MARCHF10: variants seen among roughly 807,000 people sequenced by gnomAD.
The protein encoded by MARCHF10 is membrane associated ring-CH-type finger 10, also known as probable E3 ubiquitin-protein ligase MARCHF10.
MARCHF10 carries 64 observed loss-of-function variants against 76.2 expected under a neutral mutation model. The ratio of observed to expected loss-of-function variants is 0.84; its 90% CI spans 0.69 to 1.03. The LOEUF (loss-of-function observed/expected upper bound fraction) is 1.03. Ranked by LOEUF, MARCHF10 falls within the 50% of genes least tolerant of loss-of-function variation. MARCHF10 has a pLI of 0.00. For missense variants in MARCHF10, 875 were observed against 958.0 expected, an observed-to-expected ratio of 0.91 and a Z score of 1.14; for synonymous variants, 340 against 357.5, an observed-to-expected ratio of 0.95 and a Z score of 0.55.
At chr17:62,788,163 G>C (rs2092776764) in intron 3 of MARCHF10, among the ~76,000 whole-genome samples, 1 of 152,126 alleles carries the variant, frequency 6.6e-6, no homozygotes, top group South Asian at 2.1e-4. Context: ...AACTCTTATA[G>C]AGTTGCAGCA....
At chr17:62,786,661 G>A (rs2092753309) in intron 3 of MARCHF10, among the ~76,000 whole-genome samples, 1 of 152,142 alleles carries the variant, frequency 6.6e-6, no homozygotes, top group Non-Finnish European at 1.5e-5. Flanking sequence ...TTTCAGAAGT[G>A]GTCTGAGTGT....
At chr17:62,728,809 C>T (rs868227590) in intron 6 of MARCHF10, among the ~76,000 whole-genome samples, 17 of 151,964 alleles carry the variant, frequency 1.1e-4, no homozygotes, top group Middle Eastern at 3.4e-3. Context: ...AGCTTTAATG[C>T]ACTAAATAAA....
intron 3 of MARCHF10, among the ~76,000 whole-genome samples, chr17:62,779,245 C>T (rs774384896): frequency 5.9e-5 from 9 of 152,156 alleles, no homozygotes; most frequent in Non-Finnish European, 8.8e-5. Flanking sequence ...TGTGCATGCG[C>T]GACCTGCCTC....
intron 2 of MARCHF10, among the ~76,000 whole-genome samples, chr17:62,800,496 A>AC (rs545572775): frequency 6.6e-6 from 1 of 152,026 alleles, no homozygotes; most frequent in Non-Finnish European, 1.5e-5. Flanking sequence ...GAAATTGCTG[A>AC]CTCTGTTTCC....
chr17:62,733,662 A>G (rs528427272), intron 6 of MARCHF10, among the ~76,000 whole-genome samples: 1 of 152,358 alleles, frequency 6.6e-6, no homozygotes, highest in African/African-American at 2.4e-5. Context: ...CGCCATTTGC[A>G]GCAAACAATA....
chr17:62,788,708 A>G lies in MARCHF10; in HGVS notation c.91-109T>C, dbSNP rs2092787737. ...CATGAAATAAATGATATGCATCTCC[A>G]GGTGTTCATCAAATACCTCTCACCA... is the stretch of plus-strand genomic sequence containing the variant. On this transcript the variant is annotated intron_variant, in intron 2 of 10. Coordinates refer to ENST00000311269, the MANE Select transcript of MARCHF10 (RefSeq NM_152598.4). The G allele has an allele frequency of 2.1e-5, 29 of 1,408,944 alleles. No homozygotes were observed. In the South Asian group the frequency reaches 3.1e-4, roughly 15 times the overall value. 87.3% of individuals were successfully genotyped at this position (1,408,944 alleles called of 1,614,324 possible).
chr17:62,720,114 C>A (rs75506623), intron 8 of MARCHF10, among the ~76,000 whole-genome samples: 2,421 of 152,298 alleles, frequency 0.016, 51 homozygotes, highest in African/African-American at 0.055. Flanking sequence ...GCATATTAAT[C>A]ATAGTGTTTT....
intron 6 of MARCHF10, among the ~76,000 whole-genome samples, chr17:62,728,464 C>T (rs947784975): frequency 6.6e-6 from 1 of 152,182 alleles, no homozygotes; most frequent in Non-Finnish European, 1.5e-5. Context: ...ACTAAACCAC[C>T]CATTCCTTCC....
intron 6 of MARCHF10, chr17:62,735,119 T>C (rs1308223699): frequency 2.0e-5 from 3 of 152,226 alleles, no homozygotes; most frequent in African/African-American, 7.2e-5. Flanking sequence ...TTTTTACCTT[T>C]CTAATTCACA....
At chr17:62,709,217 C>T (rs1203585095) in intron 9 of MARCHF10, among the ~76,000 whole-genome samples, 1 of 152,184 alleles carries the variant, frequency 6.6e-6, no homozygotes, top group Non-Finnish European at 1.5e-5. Context: ...CGGGGGCTCA[C>T]ACCTGTAATC....
intron 2 of MARCHF10, among the ~76,000 whole-genome samples, chr17:62,794,844 G>C (rs1016573908): frequency 7.2e-5 from 11 of 152,134 alleles, no homozygotes; most frequent in Non-Finnish European, 1.5e-4. Flanking sequence ...TGTTGTTCTT[G>C]CGATCTGACT....
chr17:62,799,260 TC>T (rs1225862533), intron 2 of MARCHF10, among the ~76,000 whole-genome samples: 1 of 152,144 alleles, frequency 6.6e-6, no homozygotes, highest in African/African-American at 2.4e-5. Flanking sequence ...CCACCTCCAC[TC>T]CTACCACCCC....
At chr17:62,803,919 T>C (rs908685635) in intron 1 of MARCHF10, among the ~76,000 whole-genome samples, 6 of 152,186 alleles carry the variant, frequency 3.9e-5, no homozygotes, top group Admixed American at 3.9e-4. Context: ...AGGCCAGCAC[T>C]AGATCTCTAT....
chr17:62,757,416 A>G (rs1336750853), intron 4 of MARCHF10, among the ~76,000 whole-genome samples: 1 of 152,176 alleles, frequency 6.6e-6, no homozygotes, highest in African/African-American at 2.4e-5. Context: ...ACCAAATCCT[A>G]TTTTTCTGTA....
chr17:62,704,055 T>TG (rs111972224), intron 10 of MARCHF10, among the ~76,000 whole-genome samples: 8,335 of 151,866 alleles, frequency 0.055, 359 homozygotes, highest in African/African-American at 0.12. Flanking sequence ...AGGGGGCGCC[T>TG]GGGCGCGGCG....
chr17:62,747,316 T>C (rs745329760), intron 4 of MARCHF10, among the ~76,000 whole-genome samples: 6 of 152,224 alleles, frequency 3.9e-5, no homozygotes, highest in Non-Finnish European at 8.8e-5. Flanking sequence ...ATTTGTTTTC[T>C]TGTTCAAAAA....
rs148268830 is a variant in MARCHF10 at position 62,767,841 on chromosome 17, C to T, written c.211-7835G>A. On this transcript the variant is annotated intron_variant, in intron 3 of 10. Transcript: ENST00000311269. ...CTTCTAAATCGCTAAGAGTTGAAGT[C>T]GGGATGTGTGGTTGCCCATCTTGAA... 2.7e-4 allele frequency among the ~76,000 whole-genome samples: 41 copies of T among 152,216 alleles called. No individual in the cohort carries two copies. The East Asian group carries it at 6.6e-3, about 24-fold the overall frequency.
chr17:62,776,684 A>C (rs2148043284), intron 3 of MARCHF10, among the ~76,000 whole-genome samples: 1 of 152,324 alleles, frequency 6.6e-6, no homozygotes, highest in South Asian at 2.1e-4. Context: ...AGAAATAGCC[A>C]GTTCAGTCTG....
intron 5 of MARCHF10, among the ~76,000 whole-genome samples, chr17:62,740,681 CAG>C (rs1253410344): frequency 1.3e-5 from 2 of 151,384 alleles, no homozygotes; most frequent in Non-Finnish European, 2.9e-5. Context: ...ATTTTAGAAA[CAG>C]GGTCTTGCTC....
Sources: gnomAD v4.1 joint callset for allele counts (sites outside exome capture counted in the v4.1 genomes callset) on GRCh38, gnomAD v4.1.1 for gene constraint, MANE v1.5 for transcripts, NCBI Gene and HGNC (gene_info 2026-07-23, HGNC 2026-07-21) for gene names.